ZNF423: variants seen among roughly 807,000 people sequenced by gnomAD.
ZNF423 encodes Ebf-associated zinc finger protein.
In ZNF423, 12 loss-of-function variants were observed where a neutral mutation model predicts 95.8. That is an observed-to-expected ratio of 0.13 (90% CI 0.08 to 0.20). ZNF423 has a LOEUF of 0.20. Ranked by LOEUF, ZNF423 falls within the 10% of genes least tolerant of loss-of-function variation. The pLI is 1.00. For synonymous variants in ZNF423, 749 were observed against 711.9 expected, an observed-to-expected ratio of 1.05 and a Z score of -0.83; for missense variants, 1,316 against 1,737.1, an observed-to-expected ratio of 0.76 and a Z score of 4.31.
chr16:49,730,500 A>T (rs2033136065), intron 3 of ZNF423: 1 of 510,118 alleles, frequency 2.0e-6, no homozygotes, highest in Non-Finnish European at 3.5e-6. Flanking sequence ...ACATCCACCC[A>T]TTCATGGCCT....
At chr16:49,795,098 C>G (rs2034477485) in intron 1 of ZNF423, among the ~76,000 whole-genome samples, 1 of 152,060 alleles carries the variant, frequency 6.6e-6, no homozygotes, top group South Asian at 2.1e-4. Context: ...TCTTGAACTC[C>G]TGACCTCAGG....
At position 49,638,061 on chromosome 16, in the gene ZNF423, A is replaced by C. The variant is rs768336756; in HGVS notation, c.1115T>G (p.Val372Gly). 6.2e-7 allele frequency: 1 copy of C among 1,613,926 alleles called. No individual in the cohort carries two copies. Among genetic ancestry groups the C allele is most frequent in the Non-Finnish European group, 8.5e-7 (1 of 1,179,988 alleles). Residue 372 changes from valine (V) to glycine (G), a missense_variant, in exon 4 of 8, where the codon GTG becomes GGG. Coordinates refer to ENST00000563137, the MANE Select transcript of ZNF423 (RefSeq NM_001379286.1). The surrounding 1 kb of genome is among the most constrained non-coding windows in gnomAD (Gnocchi z 5.6). ...SVSPDPVLGSVASMSSATPDS... is the reference protein window; with the variant it reads ...SVSPDPVLGSGASMSSATPDS... The stretch of plus-strand genomic sequence containing the variant: ...GGGTGTGGCGCTGCTCATGGAGGCC[A>C]CGCTGCCCAGTACAGGGTCGGGACT...
intron 1 of ZNF423, among the ~76,000 whole-genome samples, chr16:49,837,163 T>C (rs1402410925): frequency 6.6e-6 from 1 of 152,022 alleles, no homozygotes. Context: ...CCCACCCCAG[T>C]AATGTACAGA....
intron 1 of ZNF423, among the ~76,000 whole-genome samples, chr16:49,818,582 T>C (rs2144008865): frequency 6.6e-6 from 1 of 150,870 alleles, no homozygotes; most frequent in Non-Finnish European, 1.5e-5. Context: ...AGATACCCCA[T>C]GTCTAAAAAT....
At chr16:49,682,916 C>T (rs1378665967) in intron 3 of ZNF423, among the ~76,000 whole-genome samples, 1 of 152,190 alleles carries the variant, frequency 6.6e-6, no homozygotes, top group African/African-American at 2.4e-5. Flanking sequence ...GGAGACGCCC[C>T]TACCACAACC....
At chr16:49,783,259 G>C (rs541134120) in intron 2 of ZNF423, among the ~76,000 whole-genome samples, 2 of 151,772 alleles carry the variant, frequency 1.3e-5, no homozygotes, top group African/African-American at 4.8e-5. Context: ...GGATGGGTGG[G>C]AGAGGGGGTG....
intron 2 of ZNF423, among the ~76,000 whole-genome samples, chr16:49,750,827 A>G (rs1031286871): frequency 6.6e-6 from 1 of 152,170 alleles, no homozygotes; most frequent in African/African-American, 2.4e-5. Flanking sequence ...AGGGAGGGAG[A>G]GCCTCACTGA....
chr16:49,498,430 A>G (rs997750460), intron 7 of ZNF423, among the ~76,000 whole-genome samples: 1 of 152,228 alleles, frequency 6.6e-6, no homozygotes, highest in Admixed American at 6.5e-5. Context: ...AGCACAGGGT[A>G]TGTGCCATGG....
intron 3 of ZNF423, among the ~76,000 whole-genome samples, chr16:49,710,286 G>T (rs983719876): frequency 6.6e-6 from 1 of 152,128 alleles, no homozygotes; most frequent in African/African-American, 2.4e-5. Flanking sequence ...ACACTTCCCA[G>T]GTCCTCCCTG....
At chr16:49,644,569 A>G (rs1306245624) in intron 3 of ZNF423, among the ~76,000 whole-genome samples, 1 of 146,038 alleles carries the variant, frequency 6.8e-6, no homozygotes, top group African/African-American at 2.5e-5. Context: ...AGGCCGAGGC[A>G]GGAGGATCAC....
intron 2 of ZNF423, among the ~76,000 whole-genome samples, chr16:49,765,948 T>C (rs2033921733): frequency 6.6e-6 from 1 of 152,066 alleles, no homozygotes; most frequent in South Asian, 2.1e-4. Context: ...AGTGAGTGTT[T>C]AATGAGAATA....
intron 5 of ZNF423, among the ~76,000 whole-genome samples, chr16:49,582,659 C>T (rs1597135474): frequency 6.6e-6 from 1 of 152,266 alleles, no homozygotes; most frequent in East Asian, 1.9e-4. Context: ...TGGTAGGTGG[C>T]TTCCAGGCAG....
intron 5 of ZNF423, among the ~76,000 whole-genome samples, chr16:49,576,558 T>C (rs1314206268): frequency 1.3e-5 from 2 of 152,198 alleles, no homozygotes; most frequent in African/African-American, 4.8e-5. Context: ...GCCACTGCAG[T>C]CCGTAGCTCA....
At chr16:49,740,223 A>G (rs893079765) in intron 2 of ZNF423, among the ~76,000 whole-genome samples, 3 of 152,090 alleles carry the variant, frequency 2.0e-5, no homozygotes, top group African/African-American at 4.8e-5. Context: ...CACGTTTCCT[A>G]AAAACATGTT....
chr16:49,749,830 G>T (rs563233635), intron 2 of ZNF423, among the ~76,000 whole-genome samples: 6 of 152,152 alleles, frequency 3.9e-5, no homozygotes, highest in African/African-American at 1.4e-4. Flanking sequence ...TCTTAGAAAA[G>T]GTTTCCTCGC....
chr16:49,824,473 A>G (rs2144035898), intron 1 of ZNF423, among the ~76,000 whole-genome samples: 1 of 151,952 alleles, frequency 6.6e-6, no homozygotes, highest in South Asian at 2.1e-4. Flanking sequence ...GGGGTGGGGG[A>G]GGTGTGCTGT....
intron 1 of ZNF423, among the ~76,000 whole-genome samples, chr16:49,847,944 CCCATCTCTA>C (rs201159843): frequency 0.012 from 1,856 of 152,006 alleles, 37 homozygotes; most frequent in African/African-American, 0.042. Context: ...GCAGCATAGA[CCCATCTCTA>C]CAAATAATAA....
intron 1 of ZNF423, among the ~76,000 whole-genome samples, chr16:49,799,141 G>C (rs1597019577): frequency 6.6e-6 from 1 of 152,162 alleles, no homozygotes; most frequent in African/African-American, 2.4e-5. Context: ...TCAGGCCAGA[G>C]ACTCGATCCA....
At chr16:49,739,595 G>A (rs534788945) in intron 2 of ZNF423, among the ~76,000 whole-genome samples, 14 of 151,780 alleles carry the variant, frequency 9.2e-5, no homozygotes, top group African/African-American at 2.2e-4. Flanking sequence ...TCTTGTGCCC[G>A]CCCTCTGTAG....
Sources: allele counts gnomAD v4.1 joint callset (sites outside exome capture counted in the v4.1 genomes callset), GRCh38; gene constraint gnomAD v4.1.1; non-coding constraint Gnocchi (gnomAD v3.1); transcripts MANE v1.5; gene names NCBI Gene and HGNC (gene_info 2026-07-23, HGNC 2026-07-21).